ELOVL2: variants seen among roughly 807,000 people sequenced by gnomAD.
ELOVL2 encodes very long chain fatty acid elongase 2.
ELOVL2 carries 38 observed loss-of-function variants against 37.7 expected under a neutral mutation model. That is an observed-to-expected ratio of 1.01 (90% CI 0.78 to 1.32). The LOEUF is 1.32. Among genes scored for constraint, ELOVL2 ranks in the 40% most tolerant of loss-of-function variants. ELOVL2 has a pLI of 0.00. For missense variants in ELOVL2, 352 were observed against 363.6 expected, an observed-to-expected ratio of 0.97 and a Z score of 0.26; for synonymous variants, 115 against 122.3, an observed-to-expected ratio of 0.94 and a Z score of 0.40.
intron 5 of ELOVL2, among the ~76,000 whole-genome samples, chr6:10,993,699 G>GT (rs780894456): frequency 5.3e-5 from 8 of 151,828 alleles, no homozygotes; most frequent in Non-Finnish European, 8.8e-5. Flanking sequence ...GTTTTGTTTT[G>GT]TTTTTTGAGA....
chr6:11,006,537 A>G (rs997733817), intron 2 of ELOVL2, among the ~76,000 whole-genome samples: 5 of 152,226 alleles, frequency 3.3e-5, no homozygotes, highest in African/African-American at 1.2e-4. Flanking sequence ...GGTTTCACCA[A>G]CAGGCAATGG....
chr6:11,043,786 G>C (rs1783154256), intron 1 of ELOVL2: 1 of 159,354 alleles, frequency 6.3e-6, no homozygotes, highest in Non-Finnish European at 1.4e-5. Flanking sequence ...GGGAAACGCC[G>C]TTCTCCGCTC....
At chr6:10,992,928 C>G (rs1782192408) in intron 5 of ELOVL2, among the ~76,000 whole-genome samples, 1 of 152,058 alleles carries the variant, frequency 6.6e-6, no homozygotes, top group Non-Finnish European at 1.5e-5. Flanking sequence ...CATAGTAGCT[C>G]ACACCTCTAA....
At chr6:10,986,820 T>C (rs912216795) in intron 7 of ELOVL2, among the ~76,000 whole-genome samples, 1 of 152,206 alleles carries the variant, frequency 6.6e-6, no homozygotes, top group African/African-American at 2.4e-5. Flanking sequence ...CTTTTTTGGT[T>C]GTGTCTCTGC....
intron 3 of ELOVL2, among the ~76,000 whole-genome samples, chr6:11,001,747 C>A (rs1782386867): frequency 6.6e-6 from 1 of 152,194 alleles, no homozygotes; most frequent in South Asian, 2.1e-4. Flanking sequence ...GGCAGCCAAG[C>A]TAGAGAGGCT....
chr6:11,008,192 G>T (rs1782511185), intron 2 of ELOVL2, among the ~76,000 whole-genome samples: 1 of 152,088 alleles, frequency 6.6e-6, no homozygotes, highest in East Asian at 1.9e-4. Flanking sequence ...TTACATGCTA[G>T]ACACCTTGTC....
At chr6:11,041,812 A>G (rs1481006972) in intron 1 of ELOVL2, among the ~76,000 whole-genome samples, 1 of 152,240 alleles carries the variant, frequency 6.6e-6, no homozygotes, top group Non-Finnish European at 1.5e-5. Context: ...CCAATGCCAT[A>G]AATCCACATT....
rs374739614 is a variant in ELOVL2, at chr6:11,023,896, GAA to G, written c.4-13089_4-13088del. On this transcript the variant is annotated intron_variant, in intron 1 of 7. Coordinates refer to ENST00000354666, the MANE Select transcript of ELOVL2 (RefSeq NM_017770.4). ...GAGCTACGTGAGCAAAAAAATTGGTGAAACACTATACTTGGCCTCTATGATGG... is the reference window on the plus strand; with the variant it reads ...GAGCTACGTGAGCAAAAAAATTGGTGACACTATACTTGGCCTCTATGATGG... Among the ~76,000 whole-genome samples the G allele has an allele frequency of 2.5e-3, 386 of 152,300 alleles. 1 individual carries two copies. Among genetic ancestry groups the G allele is most frequent in the African/African-American group, 8.9e-3 (368 of 41,568 alleles).
intron 5 of ELOVL2, among the ~76,000 whole-genome samples, chr6:10,993,740 T>C (rs1581860966): frequency 6.6e-6 from 1 of 151,954 alleles, no homozygotes. Context: ...CAGGCTGGAG[T>C]GCAGTGGCGT....
chr6:10,994,720 G>A (rs1176659619), intron 5 of ELOVL2, among the ~76,000 whole-genome samples: 2 of 152,210 alleles, frequency 1.3e-5, no homozygotes. Flanking sequence ...CCCGGGATTG[G>A]AGTGAAGCAG....
chr6:11,031,143 T>G (rs1782924552), intron 1 of ELOVL2, among the ~76,000 whole-genome samples: 1 of 152,236 alleles, frequency 6.6e-6, no homozygotes, highest in African/African-American at 2.4e-5. Flanking sequence ...AACTGTTGTA[T>G]AGTATTCCAT....
intron 2 of ELOVL2, among the ~76,000 whole-genome samples, chr6:11,009,795 G>A (rs1297748285): frequency 1.3e-5 from 2 of 152,136 alleles, no homozygotes; most frequent in Non-Finnish European, 2.9e-5. Context: ...TGAGAGCAGT[G>A]GGATGACACT....
At chr6:11,039,164 C>T (rs916433816) in intron 1 of ELOVL2, among the ~76,000 whole-genome samples, 4 of 152,234 alleles carry the variant, frequency 2.6e-5, no homozygotes, top group African/African-American at 9.6e-5. Flanking sequence ...ACAAAACAAT[C>T]TTGTGACAGA....
intron 2 of ELOVL2, among the ~76,000 whole-genome samples, 172 bp from the exon 3 acceptor site, chr6:11,005,731 T>C (rs1488747308): frequency 6.6e-6 from 1 of 152,162 alleles, no homozygotes; most frequent in Non-Finnish European, 1.5e-5. Context: ...GCCTGTGGGC[T>C]GAATCGGTAA....
intron 1 of ELOVL2, among the ~76,000 whole-genome samples, chr6:11,042,092 C>A (rs1266790891): frequency 6.6e-6 from 1 of 151,988 alleles, no homozygotes; most frequent in Non-Finnish European, 1.5e-5. Context: ...GGGTGTTGAT[C>A]ACTTGAGGTC....
chr6:11,038,404 C>A (rs1333846091), intron 1 of ELOVL2, among the ~76,000 whole-genome samples: 1 of 151,870 alleles, frequency 6.6e-6, no homozygotes, highest in Non-Finnish European at 1.5e-5. Context: ...TCGCTTGAAC[C>A]CTGGAGTCAG....
At chr6:11,011,039 G>A (rs1268731030) in intron 1 of ELOVL2, among the ~76,000 whole-genome samples, 1 of 152,122 alleles carries the variant, frequency 6.6e-6, no homozygotes, top group Non-Finnish European at 1.5e-5. Flanking sequence ...TAGGCAAGAG[G>A]AGTCCTAGAG....
intron 2 of ELOVL2, among the ~76,000 whole-genome samples, chr6:11,008,798 G>C (rs1035744213): frequency 8.5e-5 from 13 of 152,180 alleles, no homozygotes; most frequent in Admixed American, 7.9e-4. Context: ...AAGCTGTATA[G>C]AATCAGTATC....
intron 1 of ELOVL2, among the ~76,000 whole-genome samples, chr6:11,011,764 G>C (rs1782586817): frequency 6.6e-6 from 1 of 152,066 alleles, no homozygotes. Flanking sequence ...GTGGGAGCCG[G>C]AATACTGCCA....
Sources: gnomAD v4.1 joint callset for allele counts (sites outside exome capture counted in the v4.1 genomes callset) on GRCh38, gnomAD v4.1.1 for gene constraint, MANE v1.5 for transcripts, NCBI Gene and HGNC (gene_info 2026-07-23, HGNC 2026-07-21) for gene names.